Variants in SYT1 observed in about 807,000 individuals in gnomAD.
The protein encoded by SYT1 is synaptotagmin 1.
A neutral mutation model predicts 44.8 loss-of-function variants in SYT1; 8 were observed. The observed-to-expected ratio is 0.18, with a 90% CI of 0.10 to 0.32. The LOEUF (loss-of-function observed/expected upper bound fraction) is 0.32, where lower values mean the gene tolerates loss of function less well. Among genes scored for constraint, SYT1 ranks in the 10% least tolerant of loss-of-function variants. SYT1 has a pLI of 1.00. For synonymous variants in SYT1, 154 were observed against 188.8 expected (o/e 0.82, Z 1.51); for missense variants, 286 against 509.3 (o/e 0.56, Z 4.22).
At chr12:79,313,892 G>T (rs7297633) in intron 8 of SYT1, among the ~76,000 whole-genome samples, 1 of 149,036 alleles carries the variant, frequency 6.7e-6, no homozygotes, top group Non-Finnish European at 1.5e-5. Context: ...TAGCGGGGCC[G>T]GGCGCGGTGG....
intron 4 of SYT1, among the ~76,000 whole-genome samples, chr12:79,277,507 T>C (rs920136851): frequency 1.7e-4 from 26 of 152,070 alleles, no homozygotes; most frequent in African/African-American, 6.3e-4. Flanking sequence ...CTACAAGAAA[T>C]GCTCAAAGGA....
intron 9 of SYT1, among the ~76,000 whole-genome samples, chr12:79,383,527 G>GT (rs1335974832): frequency 4.7e-5 from 7 of 149,350 alleles, no homozygotes; most frequent in Admixed American, 1.3e-4. Flanking sequence ...TAAAAAGTGG[G>GT]TTTTTTTCCT....
chr12:79,014,826 G>A (rs1464715786), intron 2 of SYT1, among the ~76,000 whole-genome samples: 2 of 151,930 alleles, frequency 1.3e-5, no homozygotes, highest in African/African-American at 4.8e-5. Flanking sequence ...ATCCAACAAT[G>A]ATAGACTGGA....
rs147449336 is a variant in SYT1 at position 79,005,139 on chromosome 12, T to C, written c.-84+27208T>C. 7.5e-4 allele frequency among the ~76,000 whole-genome samples: 114 copies of C among 152,196 alleles called. No individual in the cohort carries two copies. In the East Asian group the frequency reaches 0.02, roughly 26 times the overall value. ...GCTAATTTTATTTTCCTTAGCTATA[T>C]GTGAAGTCAGCGGAGAACCTTATTT... On this transcript the variant is annotated intron_variant, in intron 2 of 10. Transcript: ENST00000261205.
chr12:79,427,406 C>T (rs981956134), intron 9 of SYT1, among the ~76,000 whole-genome samples: 3 of 152,104 alleles, frequency 2.0e-5, no homozygotes, highest in African/African-American at 7.2e-5. Flanking sequence ...AGAGAATAAA[C>T]CAAAAACCAT....
chr12:78,912,058 T>C (rs1876367167), intron 1 of SYT1, among the ~76,000 whole-genome samples: 2 of 152,022 alleles, frequency 1.3e-5, no homozygotes, highest in Middle Eastern at 3.4e-3. Flanking sequence ...TTTCTGAAAG[T>C]TTTCTCTGTA....
intron 8 of SYT1, among the ~76,000 whole-genome samples, chr12:79,341,784 T>G (rs866727983): frequency 4.2e-5 from 6 of 144,116 alleles, no homozygotes; most frequent in African/African-American, 1.5e-4. Flanking sequence ...TTCTCCTGCC[T>G]CAGCCTCCCA....
At chr12:79,350,140 G>A (rs375979150) in intron 8 of SYT1, among the ~76,000 whole-genome samples, 4 of 152,096 alleles carry the variant, frequency 2.6e-5, no homozygotes, top group African/African-American at 9.7e-5. Context: ...TGTTTTGACT[G>A]GGGCAGAATA....
chr12:78,927,957 C>T lies in SYT1; in HGVS notation c.-216-49842C>T, dbSNP rs528946132. Among the ~76,000 whole-genome samples, 4 of 152,196 alleles carry T rather than the reference C, an allele frequency of 2.6e-5. No individual in the cohort carries two copies. The South Asian group carries it at 8.3e-4, about 31-fold the overall frequency. ...ATGGATACCTCCACACTGTGTTTTTCGGTATTTCTCCCCGTGTTCTTCTGC... is the reference window on the plus strand; with the variant it reads ...ATGGATACCTCCACACTGTGTTTTTTGGTATTTCTCCCCGTGTTCTTCTGC... On this transcript the variant is annotated intron_variant, in intron 1 of 10. Coordinates refer to ENST00000261205, the MANE Select transcript of SYT1 (RefSeq NM_005639.3).
chr12:78,913,593 A>C (rs1375670983), intron 1 of SYT1, among the ~76,000 whole-genome samples: 1 of 151,846 alleles, frequency 6.6e-6, no homozygotes, highest in African/African-American at 2.4e-5. Flanking sequence ...AGAATTCCTC[A>C]TTCATTCTTT....
intron 3 of SYT1, among the ~76,000 whole-genome samples, chr12:79,070,744 C>T (rs1251692863): frequency 6.6e-6 from 1 of 152,062 alleles, no homozygotes; most frequent in Non-Finnish European, 1.5e-5. Context: ...GCGACAGGGG[C>T]AAGGCTGAAC....
At chr12:79,312,875 T>G (rs980662735) in intron 8 of SYT1, among the ~76,000 whole-genome samples, 1 of 151,894 alleles carries the variant, frequency 6.6e-6, no homozygotes, top group East Asian at 1.9e-4. Flanking sequence ...TAAAGTCATG[T>G]GTAACTAACT....
At chr12:79,398,862 T>A (rs1333975152) in intron 9 of SYT1, among the ~76,000 whole-genome samples, 1 of 152,140 alleles carries the variant, frequency 6.6e-6, no homozygotes, top group East Asian at 1.9e-4. Flanking sequence ...GCCAAACAAT[T>A]TTCTATTCAA....
intron 3 of SYT1, among the ~76,000 whole-genome samples, chr12:79,212,813 G>A (rs1874541627): frequency 6.6e-6 from 1 of 152,192 alleles, no homozygotes. Flanking sequence ...GAGTAGACCA[G>A]TAGAAGGAAC....
At chr12:79,147,820 G>A (rs1870014615) in intron 3 of SYT1, among the ~76,000 whole-genome samples, 1 of 152,006 alleles carries the variant, frequency 6.6e-6, no homozygotes, top group Non-Finnish European at 1.5e-5. Context: ...TGTAAGTCAG[G>A]GTGAGGGTCA....
At chr12:78,949,621 G>C (rs1056079779) in intron 1 of SYT1, among the ~76,000 whole-genome samples, 1 of 151,868 alleles carries the variant, frequency 6.6e-6, no homozygotes, top group Non-Finnish European at 1.5e-5. Flanking sequence ...AAATATCCAA[G>C]ATGGGTTATT....
chr12:79,123,309 ATGTGTGTGTGTGTGTGTGTGTG>A (rs66869713), intron 3 of SYT1, among the ~76,000 whole-genome samples: 5 of 141,634 alleles, frequency 3.5e-5, no homozygotes, highest in Admixed American at 7.0e-5. Context: ...TAAAAATGCA[ATGTGTGTGTGTGTGTGTGTGTG>A]TGTGTGTGTG....
At chr12:78,990,644 T>G (rs548230817) in intron 2 of SYT1, among the ~76,000 whole-genome samples, 1 of 152,322 alleles carries the variant, frequency 6.6e-6, no homozygotes, top group African/African-American at 2.4e-5. Flanking sequence ...ACACTGTGTC[T>G]CCTATTGACA....
intron 3 of SYT1, among the ~76,000 whole-genome samples, chr12:79,161,665 A>G (rs549135820): frequency 4.6e-5 from 7 of 152,186 alleles, no homozygotes; most frequent in Non-Finnish European, 1.0e-4. Flanking sequence ...CTATTTTACA[A>G]CTGAAGAACA....
Sources: gnomAD v4.1 joint callset for allele counts (sites outside exome capture counted in the v4.1 genomes callset) on GRCh38, gnomAD v4.1.1 for gene constraint, MANE v1.5 for transcripts, NCBI Gene and HGNC (gene_info 2026-07-23, HGNC 2026-07-21) for gene names.